TCTN1: variants seen among roughly 807,000 people sequenced by gnomAD.
TCTN1 encodes the protein tectonic-1.
TCTN1 carries 58 observed loss-of-function variants against 65.8 expected under a neutral mutation model. The ratio of observed to expected loss-of-function variants is 0.88; its 90% CI spans 0.71 to 1.10. TCTN1 has a LOEUF of 1.10. TCTN1 is among the 50% of genes least tolerant of loss of function. TCTN1 has a pLI of 0.00. For missense variants in TCTN1, 645 were observed against 719.4 expected (o/e 0.90, Z 1.18); for synonymous variants, 273 against 289.1 (o/e 0.94, Z 0.57).
intron 13 of TCTN1, 66 bp from the exon 14 acceptor site, chr12:110,647,681 AGT>A (rs2067442588): frequency 1.9e-6 from 3 of 1,605,382 alleles, no homozygotes; most frequent in Non-Finnish European, 2.6e-6. Context: ...GAGAATGAAA[AGT>A]GTCTCATTGT....
At chr12:110,623,207 C>A (rs1002212707) in intron 2 of TCTN1, among the ~76,000 whole-genome samples, 1 of 152,224 alleles carries the variant, frequency 6.6e-6, no homozygotes, top group Admixed American at 6.5e-5. Flanking sequence ...CAGAGCCTAT[C>A]ACCTGCTACC....
chr12:110,647,095 G>T, intron 12 of TCTN1, 101 bp from the exon 13 acceptor site: 1 of 1,428,808 alleles, frequency 7.0e-7, no homozygotes. Context: ...TCATTTTCTT[G>T]TTCAGAACAT....
At position 110,649,372 on chromosome 12, in the gene TCTN1, G is replaced by A; in HGVS notation, c.*331G>A. ...TCCTCTCGTGACAGCACAGGCCCAT[G>A]AGACAGTGTCTTCTTTTTGAGGGGA... is the stretch of plus-strand genomic sequence containing the variant. On this transcript the variant is annotated 3_prime_UTR_variant, in exon 15 of 15. Coordinates refer to ENST00000397659, the MANE Select transcript of TCTN1 (RefSeq NM_001082538.3). 1.3e-6 allele frequency: 2 copies of A among 1,548,086 alleles called. No homozygotes were observed. Among genetic ancestry groups the A allele is most frequent in the Non-Finnish European group, 1.8e-6 (2 of 1,124,026 alleles).
intron 3 of TCTN1, chr12:110,628,251 C>T: frequency 1.3e-6 from 2 of 1,534,700 alleles, no homozygotes; most frequent in South Asian, 2.4e-5. Context: ...ATTACTTCCC[C>T]ATTATTAGAA....
At chr12:110,629,008 C>G in intron 4 of TCTN1, 90 bp downstream of exon 4, 2 of 1,472,900 alleles carry the variant, frequency 1.4e-6, no homozygotes, top group Non-Finnish European at 1.9e-6. Flanking sequence ...AAACTGGGTT[C>G]CTTGAGACAG....
At position 110,645,059 on chromosome 12, in the gene TCTN1, G is replaced by C. The variant is rs751822315; in HGVS notation, c.1424G>C (p.Gly475Ala). Reference sequence around the variant, plus strand: ...TTCCCAGATTACGTGGCCCCTTTTGGAAATTCCCAGGCCCAGGACATGCTG... The same window carrying C: ...TTCCCAGATTACGTGGCCCCTTTTGCAAATTCCCAGGCCCAGGACATGCTG... ...QGFPDYVAPF[G>A]NSQAQDMLDW... The change falls in exon 12 of 15, where the codon GGA becomes GCA. Residue 475 changes from glycine (G) to alanine (A), a missense_variant. Physicochemically the swap from Gly to Ala is moderately conservative, Grantham distance 60 (BLOSUM62 0). Coordinates refer to ENST00000397659, the MANE Select transcript of TCTN1 (RefSeq NM_001082538.3). 5 of 1,614,048 alleles carry C rather than the reference G, an allele frequency of 3.1e-6. No homozygotes were observed. The highest frequency in any genetic ancestry group is 4.2e-6 in the Non-Finnish European group (5 of 1,180,042).
At position 110,647,750 on chromosome 12, in the gene TCTN1, C is replaced by A; in HGVS notation, c.1637C>A (p.Ala546Asp). The A allele has an allele frequency of 1.2e-6, 2 of 1,614,194 alleles. No individual in the cohort carries two copies. Among genetic ancestry groups the A allele is most frequent in the East Asian group, 4.5e-5 (2 of 44,886 alleles). Residue 546 changes from alanine to aspartate, a missense_variant and splice_region_variant, in exon 14 of 15, where the codon GCC becomes GAC. Ala to Asp is a moderately radical substitution (Grantham distance 126). Transcript: ENST00000397659. The part of the protein sequence containing the change: ...ANLISSSFPE[A>D]NSGNERTILI... The stretch of plus-strand genomic sequence containing the variant: ...CTTGCATCTCTCTGTTTATTACAGG[C>A]CAACTCAGGAAATGAAAGGACGATT...
At chr12:110,615,839 T>TA (rs1364075708) in intron 1 of TCTN1, among the ~76,000 whole-genome samples, 6 of 152,300 alleles carry the variant, frequency 3.9e-5, no homozygotes, top group African/African-American at 1.4e-4. Flanking sequence ...TATTAGTAAG[T>TA]AAAAAAGTCA....
rs140130769 is a variant in TCTN1, at chr12:110,617,829, C to T, written c.221-2007C>T. Among the ~76,000 whole-genome samples, 17 of 149,118 alleles carry T rather than the reference C, an allele frequency of 1.1e-4. No homozygotes were observed. In the East Asian group the frequency reaches 1.4e-3, roughly 12 times the overall value. ...CTAATTTTTGTATTTTCAGTAGAGACGGGGTTTTACCATGTCGGCCAGGCT... is the reference window on the plus strand; with the variant it reads ...CTAATTTTTGTATTTTCAGTAGAGATGGGGTTTTACCATGTCGGCCAGGCT... On this transcript the variant is annotated intron_variant, in intron 1 of 14. Transcript: ENST00000397659.
chr12:110,630,399 G>T (rs2066157281), intron 4 of TCTN1: 1 of 152,132 alleles, frequency 6.6e-6, no homozygotes, highest in African/African-American at 2.4e-5. Flanking sequence ...TGGTTGTCTG[G>T]TCATCTTCTC....
chr12:110,646,570 G>A (rs1025952573), intron 12 of TCTN1: 3 of 154,288 alleles, frequency 1.9e-5, no homozygotes, highest in African/African-American at 7.2e-5. Flanking sequence ...TGGGTCAGAG[G>A]CCTTAGAGCT....
chr12:110,646,127 C>T (rs2067284009), intron 12 of TCTN1: 1 of 152,182 alleles, frequency 6.6e-6, no homozygotes. Context: ...TGTGCTGATC[C>T]TGGGTGCTCA....
At position 110,633,090 on chromosome 12, in the gene TCTN1, G is replaced by A. The variant is rs567729388; in HGVS notation, c.712+531G>A. ...TGTTCAGGCTCACTCAGGTGGTGGT[G>A]GAACAGGAATGGACCCCATGCAGTT... On this transcript the variant is annotated intron_variant, in intron 5 of 14. Transcript: ENST00000397659. Among the ~76,000 whole-genome samples, 38 of 152,274 alleles carry A rather than the reference G, an allele frequency of 2.5e-4. No individual in the cohort carries two copies. In the South Asian group the frequency reaches 6.2e-3, roughly 25 times the overall value.
rs1018069087 is a variant in TCTN1 at position 110,640,712 on chromosome 12, G to A, written c.978+195G>A. Among the ~76,000 whole-genome samples, 18 of 152,142 alleles carry A rather than the reference G, an allele frequency of 1.2e-4. No homozygotes were observed. Among genetic ancestry groups the A allele is most frequent in the Admixed American group, 6.6e-4 (10 of 15,260 alleles). ...GTCTCCACAAACTTAGTGACTTGCCGGAATACATCAAAATATTTTTGTTGT... is the reference window on the plus strand; with the variant it reads ...GTCTCCACAAACTTAGTGACTTGCCAGAATACATCAAAATATTTTTGTTGT... On this transcript the variant is annotated intron_variant, in intron 8 of 14. Transcript: ENST00000397659. This position sits in a 1 kb window ranked among gnomAD's most constrained non-coding sequence, Gnocchi z 4.9.
chr12:110,648,879 A>G (rs2067622302), intron 14 of TCTN1, 164 bp from the exon 15 acceptor site: 1 of 386,962 alleles, frequency 2.6e-6, no homozygotes, highest in Non-Finnish European at 5.0e-6. Context: ...GCAGAAAACA[A>G]TGGAGCCACC....
chr12:110,620,189 C>T (rs191871650), intron 2 of TCTN1, among the ~76,000 whole-genome samples: 68 of 152,186 alleles, frequency 4.5e-4, no homozygotes, highest in Admixed American at 1.8e-3. Context: ...GGGTGGATCA[C>T]GAGGTCAGGA....
rs757636403 is a variant in TCTN1, at chr12:110,647,225, C to G, written c.1524C>G (p.Leu508=). 7.4e-6 allele frequency: 12 copies of G among 1,614,056 alleles called. No homozygotes were observed. The change falls in exon 13 of 15, where the codon CTC becomes CTG. Residue 508 remains leucine, a synonymous_variant. Transcript: ENST00000397659. ...TTGTTTTGCAGGATTCCTGCCAGCT[C>G]CCAGGGGCTTTGGTTATAGAAGTGA... ...KHFVLQDSCQ[L]PGALVIEVKW...
chr12:110,643,597 C>G (rs1235065635), intron 11 of TCTN1: 1 of 152,150 alleles, frequency 6.6e-6, no homozygotes, highest in Non-Finnish European at 1.5e-5. Flanking sequence ...CCTTCATCCC[C>G]TACCTCATGA....
rs2066713882 is a variant in TCTN1, at chr12:110,638,243, T to TC, written c.843+1743dup. Among the ~76,000 whole-genome samples, 3 of 152,142 alleles carry TC rather than the reference T, an allele frequency of 2.0e-5. No homozygotes were observed. In the South Asian group the frequency reaches 6.2e-4, roughly 31 times the overall value. ...TGTGACAGGCTTCACACACCTTCCT[T>TC]CTTTGCATCCTGTGGCCACACAGGA... On this transcript the variant is annotated intron_variant, in intron 7 of 14. Transcript: ENST00000397659.
Sources: allele counts gnomAD v4.1 joint callset (sites outside exome capture counted in the v4.1 genomes callset), GRCh38; gene constraint gnomAD v4.1.1; non-coding constraint Gnocchi (gnomAD v3.1); transcripts MANE v1.5; gene names NCBI Gene and HGNC (gene_info 2026-07-23, HGNC 2026-07-21).